The following TTLL10 variants were observed in gnomAD, a reference collection of about 807,000 sequenced individuals.
TTLL10 encodes tubulin tyrosine ligase like 10.
In TTLL10, 61 loss-of-function variants were observed where a neutral mutation model predicts 69.0. The observed-to-expected ratio is 0.88, with a 90% CI of 0.72 to 1.09. TTLL10 has a LOEUF of 1.09. Ranked by LOEUF, TTLL10 falls within the 50% of genes least tolerant of loss-of-function variation. TTLL10 has a pLI of 0.00. For missense variants in TTLL10, 962 were observed against 945.9 expected (o/e 1.02, Z -0.22); for synonymous variants, 408 against 393.3 (o/e 1.04, Z -0.44).
intron 13 of TTLL10, among the ~76,000 whole-genome samples, chr1:1,192,351 A>G (rs1647860798): frequency 6.6e-6 from 1 of 152,164 alleles, no homozygotes; most frequent in African/African-American, 2.4e-5. Flanking sequence ...TGTAAAGTCT[A>G]TTTTCTGTGA....
rs983451314 is a variant in TTLL10 at position 1,180,882 on chromosome 1, C to A, written c.755+22C>A. On this transcript the variant is annotated intron_variant, in intron 8 of 15. Transcript: ENST00000379289. ...CCAGGTGAGTCTGCCCCTGCCCCTG[C>A]CCCCGTCCCTGCGCCCGCCCCTACG... is the stretch of plus-strand genomic sequence containing the variant. 1.0e-5 allele frequency: 16 copies of A among 1,536,858 alleles called. No homozygotes were observed. The African/African-American group carries it at 1.1e-4, about 11-fold the overall frequency.
At chr1:1,182,546 G>A (rs1348872499) in intron 10 of TTLL10, 100 bp downstream of exon 10, 1 of 1,236,230 alleles carries the variant, frequency 8.1e-7, no homozygotes, top group African/African-American at 1.5e-5. Flanking sequence ...GTCTGGAGGG[G>A]CTGCGTGGGG....
chr1:1,187,357 C>T (rs559654958), intron 13 of TTLL10, among the ~76,000 whole-genome samples: 13 of 152,154 alleles, frequency 8.5e-5, no homozygotes, highest in African/African-American at 1.4e-4. Flanking sequence ...GTGCCAGGTG[C>T]GGTGACTCAC....
In TTLL10 at chr1:1,179,329, C is replaced by T; in HGVS notation, c.114C>T (p.Val38=). 6.4e-7 allele frequency: 1 copy of T among 1,551,210 alleles called. No homozygotes were observed. ...PRIQQRPRAR[V]SGTIPASRLH... ...TCCAGCAGAGGCCTCGGGCTCGAGT[C>T]TCAGGTGAATAGAGCAGCCCTGGGT... Residue 38 remains valine (V), a synonymous_variant, in exon 4 of 16, where the codon GTC becomes GTT. Coordinates refer to ENST00000379289, the MANE Select transcript of TTLL10 (RefSeq NM_001130045.2).
chr1:1,175,591 C>T (rs984344345), intron 3 of TTLL10: 6 of 419,270 alleles, frequency 1.4e-5, no homozygotes, highest in African/African-American at 4.1e-5. Context: ...CCTGAGCTGT[C>T]CCTGAGCTCT....
intron 3 of TTLL10, among the ~76,000 whole-genome samples, chr1:1,178,244 C>G (rs997465681): frequency 1.3e-5 from 2 of 152,116 alleles, no homozygotes; most frequent in Non-Finnish European, 2.9e-5. Context: ...GTCTCCTGGG[C>G]GAGTTCCTTC....
chr1:1,175,736 CTGTGCAGGTGGAGAGAGGCTGCTGT>C (rs1340705575), intron 3 of TTLL10: 3 of 452,730 alleles, frequency 6.6e-6, no homozygotes, highest in Non-Finnish European at 8.9e-6. Flanking sequence ...CTCCCAGCTG[CTGTGCAGGTGGAGAGAGGCTGCTGT>C]TGTGCAGGTG....
At chr1:1,182,490 A>G (rs765676331) in intron 10 of TTLL10, 44 bp downstream of exon 10, 5 of 1,598,712 alleles carry the variant, frequency 3.1e-6, no homozygotes, top group Non-Finnish European at 3.4e-6. Context: ...CTGGGGAGAC[A>G]GGGTGAGGGC....
In TTLL10 at chr1:1,179,304, TC is replaced by T. The variant is rs976893386; in HGVS notation, c.91del (p.Gln31SerfsTer87). 1.3e-6 allele frequency: 2 copies of T among 1,551,022 alleles called. No homozygotes were observed. The highest frequency in any genetic ancestry group is 2.7e-5 in the African/African-American group (2 of 73,010). Reference protein sequence around the residue: ...AGFKRGKRPRIQQRPRARVSG... With the variant: ...AGFKRGKRPRXQQRPRARVSG... ...TTCAAGAGGGGCAAGAGGCCAAGGA[TC>T]CAGCAGAGGCCTCGGGCTCGAGTCT... On this transcript the variant is annotated frameshift_variant, in exon 4 of 16. Coordinates refer to ENST00000379289, the MANE Select transcript of TTLL10 (RefSeq NM_001130045.2). LOFTEE classifies it high-confidence loss of function.
chr1:1,184,378 G>A (rs903516990), intron 12 of TTLL10, among the ~76,000 whole-genome samples: 4 of 152,224 alleles, frequency 2.6e-5, no homozygotes, highest in Non-Finnish European at 1.5e-5. Context: ...CTCCCAAGCC[G>A]CAGCTGAGTT....
chr1:1,197,868 C>CGCCCCGT lies in TTLL10; in HGVS notation c.*27_*28insTGCCCCG. The CGCCCCGT allele has an allele frequency of 1.4e-6, 2 of 1,399,502 alleles. No individual in the cohort carries two copies. The highest frequency in any genetic ancestry group is 2.5e-4 in the Middle Eastern group (1 of 3,960). 86.7% of individuals were successfully genotyped at this position (1,399,502 alleles called of 1,614,324 possible). A position where few individuals can be genotyped will look rare whatever the true frequency, so the allele number is the denominator to read the frequency against. ...CCTAGGGGCAGCCACCCGCGCCCAG[C>CGCCCCGT]GCCCCGCGCCCCGCGCCCCAGCCGT... On this transcript the variant is annotated 3_prime_UTR_variant, in exon 16 of 16. Coordinates refer to ENST00000379289, the MANE Select transcript of TTLL10 (RefSeq NM_001130045.2).
intron 13 of TTLL10, among the ~76,000 whole-genome samples, chr1:1,193,532 C>T (rs1049257240): frequency 6.0e-5 from 9 of 150,884 alleles, no homozygotes; most frequent in Admixed American, 6.6e-5. Flanking sequence ...GGCGTGATCT[C>T]GGCTCACTGC....
chr1:1,193,469 CTT>C (rs531982531), intron 13 of TTLL10, among the ~76,000 whole-genome samples: 1 of 146,556 alleles, frequency 6.8e-6, no homozygotes, highest in African/African-American at 2.5e-5. Context: ...TCTAGTGTAG[CTT>C]TTTTTTTTTG....
intron 4 of TTLL10, 90 bp downstream of exon 4, chr1:1,179,423 C>A: frequency 7.4e-7 from 1 of 1,342,868 alleles, no homozygotes; most frequent in Non-Finnish European, 1.0e-6. Context: ...AGTCAGTCGG[C>A]CTCATGGGGC....
In TTLL10 at chr1:1,180,206, C is replaced by G; in HGVS notation, c.372C>G (p.Asp124Glu). ...PGLLNSHRPADSDDTNAAGPS... is the reference protein window; with the variant it reads ...PGLLNSHRPAESDDTNAAGPS... The stretch of plus-strand genomic sequence containing the variant: ...TCCTGAACAGCCACCGGCCTGCAGA[C>G]TCGGATGACACTAACGCCGCCGGGC... Residue 124 changes from aspartate (D) to glutamate (E), a missense_variant, in exon 6 of 16, where the codon GAC becomes GAG. Coordinates refer to ENST00000379289, the MANE Select transcript of TTLL10 (RefSeq NM_001130045.2). 1 of 1,611,212 alleles carries G rather than the reference C, an allele frequency of 6.2e-7. No individual in the cohort carries two copies. Among genetic ancestry groups the G allele is most frequent in the Non-Finnish European group, 8.5e-7 (1 of 1,179,376 alleles).
chr1:1,174,149 GGTGT>G (rs1413156687), intron 1 of TTLL10, 132 bp from the exon 2 acceptor site: 1 of 152,326 alleles, frequency 6.6e-6, no homozygotes, highest in Non-Finnish European at 1.5e-5. Flanking sequence ...GCCGGGGAAC[GGTGT>G]GTGTACCCGG....
Position 1,197,794 on chromosome 1 carries a change from T to C in TTLL10, c.1969T>C (p.Ser657Pro). The change falls in exon 16 of 16, where the codon TCC (serine) becomes CCC (proline). Residue 657 changes from serine (S) to proline (P), a missense_variant. Physicochemically the swap from Ser to Pro is moderately conservative, Grantham distance 74. Transcript: ENST00000379289. The stretch of plus-strand genomic sequence containing the variant: ...CAACAGGCACCCGGCGCAAGAGCCT[T>C]CCCCGGGGACAGCCAAGGAGGAACG... ...TGNRHPAQEP[S>P]PGTAKEEREE... 6.5e-7 allele frequency: 1 copy of C among 1,527,936 alleles called. No individual in the cohort carries two copies. Among genetic ancestry groups the C allele is most frequent in the Non-Finnish European group, 8.8e-7 (1 of 1,139,060 alleles). The allele number at this position is 1,527,936 out of a possible 1,614,324, so 94.6% of individuals were successfully genotyped here. A position where few individuals can be genotyped will look rare whatever the true frequency, so the allele number is the denominator to read the frequency against.
chr1:1,180,798 C>G lies in TTLL10; in HGVS notation c.693C>G (p.Thr231=), dbSNP rs1570409937. The change falls in exon 8 of 16, where the codon ACC becomes ACG. Residue 231 remains threonine, a synonymous_variant. Transcript: ENST00000379289. ...LLTTKIGLLS[T]LRGRARAMSK... ...CCACCAAGATCGGGCTGCTCAGCAC[C>G]CTTCGGGGACGGGCACGGGCCATGA... is the stretch of plus-strand genomic sequence containing the variant. 1.2e-6 allele frequency: 2 copies of G among 1,605,472 alleles called. No homozygotes were observed. The highest frequency in any genetic ancestry group is 2.7e-5 in the African/African-American group (2 of 74,592).
At chr1:1,197,385 C>A in intron 15 of TTLL10, 53 bp from the exon 16 acceptor site, 1 of 1,057,572 alleles carries the variant, frequency 9.5e-7, no homozygotes, top group Non-Finnish European at 1.3e-6. Flanking sequence ...TCCCCACCCC[C>A]TCCAGCCCCA....
Sources: allele counts gnomAD v4.1 joint callset (sites outside exome capture counted in the v4.1 genomes callset), GRCh38; gene constraint gnomAD v4.1.1; transcripts MANE v1.5; gene names NCBI Gene and HGNC (gene_info 2026-07-23, HGNC 2026-07-21).